The following TTC17 variants were observed in gnomAD, a reference collection of about 807,000 sequenced individuals.
TTC17 encodes the protein tetratricopeptide repeat domain 17, also known as tetratricopeptide repeat protein 17.
TTC17 carries 58 observed loss-of-function variants against 143.8 expected under a neutral mutation model. The ratio of observed to expected loss-of-function variants is 0.40; its 90% CI spans 0.33 to 0.50. TTC17 has a LOEUF of 0.50. Ranked by LOEUF, TTC17 falls within the 20% of genes least tolerant of loss-of-function variation. TTC17 has a pLI of 0.49. For synonymous variants in TTC17, 501 were observed against 497.8 expected (o/e 1.01, Z -0.09); for missense variants, 1,273 against 1,392.5 (o/e 0.91, Z 1.37).
intron 1 of TTC17, among the ~76,000 whole-genome samples, chr11:43,377,896 T>G (rs1219543394): frequency 1.3e-5 from 2 of 152,030 alleles, no homozygotes; most frequent in East Asian, 1.9e-4. Flanking sequence ...TTTTTGGTTT[T>G]GTTTTGTTTT....
At chr11:43,438,465 T>G (rs1947341475) in intron 16 of TTC17, among the ~76,000 whole-genome samples, 1 of 152,220 alleles carries the variant, frequency 6.6e-6, no homozygotes, top group African/African-American at 2.4e-5. Flanking sequence ...AATCTTAATT[T>G]GGAATCAAGT....
At chr11:43,436,449 G>A (rs1242084149) in intron 16 of TTC17, 1 of 995,674 alleles carries the variant, frequency 1.0e-6, no homozygotes, top group Non-Finnish European at 1.3e-6. Context: ...TCATTATATT[G>A]TAGCATCATG....
Position 43,449,933 on chromosome 11 carries a change from T to TA in TTC17, c.2787-148dup, listed in dbSNP as rs149061583. On this transcript the variant is annotated intron_variant, in intron 19 of 23. Transcript: ENST00000039989. ...GAAGAAGAAATCCTAGAAGAAAACT[T>TA]ACTTCGTTTAAAATCAGGGGATAGC... is the stretch of plus-strand genomic sequence containing the variant. 8.1e-3 allele frequency: 6,923 copies of TA among 855,890 alleles called. 91 individuals are homozygous for TA. Among genetic ancestry groups the TA allele is most frequent in the South Asian group, 0.034 (1,726 of 51,290 alleles). The allele number at this position is 855,890 out of a possible 1,614,324, so 53.0% of individuals were successfully genotyped here. A position where few individuals can be genotyped will look rare whatever the true frequency, so the allele number is the denominator to read the frequency against.
chr11:43,456,992 C>G (rs533755615), intron 21 of TTC17, among the ~76,000 whole-genome samples: 1 of 152,078 alleles, frequency 6.6e-6, no homozygotes, highest in Non-Finnish European at 1.5e-5. Context: ...ATGGCTTTTT[C>G]CCCTCAGGAC....
chr11:43,425,164 G>A (rs958170755), intron 16 of TTC17, among the ~76,000 whole-genome samples: 1 of 152,028 alleles, frequency 6.6e-6, no homozygotes, highest in African/African-American at 2.4e-5. Flanking sequence ...CATTCAGAAA[G>A]ATGATTCTAG....
chr11:43,429,350 A>T (rs1302937037), intron 16 of TTC17, among the ~76,000 whole-genome samples: 1 of 152,220 alleles, frequency 6.6e-6, no homozygotes, highest in Non-Finnish European at 1.5e-5. Flanking sequence ...TCCTCTTGGT[A>T]AAAGGTCTGT....
chr11:43,427,470 T>A (rs1427833567), intron 16 of TTC17, among the ~76,000 whole-genome samples: 1 of 152,234 alleles, frequency 6.6e-6, no homozygotes, highest in Non-Finnish European at 1.5e-5. Context: ...CAAATGATGA[T>A]GCTATTGCGG....
chr11:43,483,630 C>A (rs576752020), intron 21 of TTC17, among the ~76,000 whole-genome samples: 5 of 152,228 alleles, frequency 3.3e-5, no homozygotes, highest in Middle Eastern at 3.4e-3. Flanking sequence ...GAAATCATTT[C>A]AGTAGATTGC....
intron 3 of TTC17, 125 bp from the exon 4 acceptor site, chr11:43,391,340 A>G (rs1278856330): frequency 3.1e-6 from 2 of 645,728 alleles, no homozygotes; most frequent in Admixed American, 3.1e-5. Context: ...TCAAGGCTGC[A>G]GTGAGCTGTG....
At chr11:43,425,786 GC>G (rs747319438) in intron 16 of TTC17, among the ~76,000 whole-genome samples, 34 of 152,102 alleles carry the variant, frequency 2.2e-4, no homozygotes, top group Non-Finnish European at 3.2e-4. Context: ...TTACTAACCA[GC>G]AAAGTATATT....
intron 1 of TTC17, among the ~76,000 whole-genome samples, chr11:43,364,993 C>G (rs1856274267): frequency 6.6e-6 from 1 of 151,458 alleles, no homozygotes; most frequent in South Asian, 2.1e-4. Context: ...TTAGTAGAGA[C>G]AGGGTTTCTC....
intron 21 of TTC17, among the ~76,000 whole-genome samples, chr11:43,480,560 A>T (rs931950530): frequency 4.6e-5 from 7 of 152,252 alleles, no homozygotes; most frequent in African/African-American, 1.7e-4. Flanking sequence ...AAGATTTGCT[A>T]AGCAAATAAA....
intron 18 of TTC17, chr11:43,446,789 G>T: frequency 1.7e-6 from 1 of 587,858 alleles, no homozygotes; most frequent in South Asian, 7.5e-5. Context: ...AGACAGTTCT[G>T]CTCTTTTCTT....
chr11:43,405,740 A>G (rs1355519959), intron 12 of TTC17, 46 bp from the exon 13 acceptor site: 2 of 1,612,210 alleles, frequency 1.2e-6, no homozygotes, highest in Non-Finnish European at 1.7e-6. Context: ...TCTTGAAGTC[A>G]CCCAAACTTT....
At chr11:43,405,406 ATAT>A (rs1279707312) in intron 11 of TTC17, 105 bp from the exon 12 acceptor site, 4 of 806,890 alleles carry the variant, frequency 5.0e-6, no homozygotes, top group African/African-American at 1.8e-5. Flanking sequence ...TAATCTTAAG[ATAT>A]TATAGTTTTG....
chr11:43,449,995 C>G, intron 19 of TTC17, 87 bp from the exon 20 acceptor site: 1 of 1,412,770 alleles, frequency 7.1e-7, no homozygotes, highest in Non-Finnish European at 9.7e-7. Flanking sequence ...TTAATGCTGT[C>G]TCTCCTTGAT....
chr11:43,442,663 T>C (rs776182987), intron 16 of TTC17, among the ~76,000 whole-genome samples: 21 of 152,204 alleles, frequency 1.4e-4, no homozygotes, highest in Admixed American at 5.2e-4. Context: ...AAAGGAAACA[T>C]ACTGAGTTCT....
rs571572025 is a variant in TTC17, at chr11:43,441,086, A to G, written c.2252-2239A>G. On this transcript the variant is annotated intron_variant, in intron 16 of 23. Transcript: ENST00000039989. ...GGAGTTCAAGACCAGCCTGGCCAACATAGCAAAACCCCATCTCTACAAAAA... is the reference window on the plus strand; with the variant it reads ...GGAGTTCAAGACCAGCCTGGCCAACGTAGCAAAACCCCATCTCTACAAAAA... Among the ~76,000 whole-genome samples the G allele has an allele frequency of 2.0e-5, 3 of 151,370 alleles. No individual in the cohort carries two copies. The South Asian group carries it at 6.2e-4, about 31-fold the overall frequency.
chr11:43,377,865 C>G (rs1249100559), intron 1 of TTC17, among the ~76,000 whole-genome samples: 2 of 151,984 alleles, frequency 1.3e-5, no homozygotes, highest in African/African-American at 4.8e-5. Flanking sequence ...ATCAGGTAAA[C>G]AGACTGGTTA....
Sources: allele counts gnomAD v4.1 joint callset (sites outside exome capture counted in the v4.1 genomes callset), GRCh38; gene constraint gnomAD v4.1.1; transcripts MANE v1.5; gene names NCBI Gene and HGNC (gene_info 2026-07-23, HGNC 2026-07-21).